SAMMSON: variants seen among roughly 807,000 people sequenced by gnomAD.
The protein encoded by SAMMSON is survival associated mitochondrial melanoma specific oncogenic non-coding RNA.
At chr3:70,287,383 C>A (rs998655249) in intron 6 of SAMMSON, among the ~76,000 whole-genome samples, 2 of 150,884 alleles carry the variant, frequency 1.3e-5, no homozygotes, top group Admixed American at 1.3e-4. Flanking sequence ...TATATTGAAC[C>A]AGCCTTGCAT....
intron 7 of SAMMSON, among the ~76,000 whole-genome samples, chr3:70,327,312 A>G (rs939102137): frequency 2.6e-5 from 4 of 152,230 alleles, no homozygotes; most frequent in Admixed American, 6.5e-5. Flanking sequence ...TATAATCCAC[A>G]GTAATTAGAC....
intron 3 of SAMMSON, among the ~76,000 whole-genome samples, chr3:70,020,339 C>T (rs1425318213): frequency 6.6e-6 from 1 of 152,114 alleles, no homozygotes; most frequent in South Asian, 2.1e-4. Flanking sequence ...GGTCTTCAGG[C>T]ACCCTAGACG....
rs1702669388 is a variant in SAMMSON at position 70,337,091 on chromosome 3, ATAATAATATCTAACTTAATATTCT to A, written n.740-17081_740-17058del. On this transcript the variant is annotated intron_variant and non_coding_transcript_variant, in intron 7 of 9. Coordinates refer to ENST00000642114, the Ensembl canonical transcript of SAMMSON. ...AATATCTAACTTAATATTCTTATTA[ATAATAATATCTAACTTAATATTCT>A]TATTAATAATAATATCTAACTTAAT... 1.0e-4 allele frequency among the ~76,000 whole-genome samples: 4 copies of A among 40,030 alleles called. No homozygotes were observed. In the South Asian group the frequency reaches 1.9e-3, roughly 19 times the overall value. 26.3% of individuals were successfully genotyped at this position (40,030 alleles called of 152,430 possible). A position where few individuals can be genotyped will look rare whatever the true frequency, so the allele number is the denominator to read the frequency against.
intron 7 of SAMMSON, among the ~76,000 whole-genome samples, chr3:70,309,628 C>A (rs1702437682): frequency 6.6e-6 from 1 of 152,078 alleles, no homozygotes. Context: ...CTTTTTACTG[C>A]ACCACTTTGA....
intron 1 of SAMMSON, among the ~76,000 whole-genome samples, chr3:70,011,750 G>T (rs1481687007): frequency 1.3e-5 from 2 of 151,944 alleles, no homozygotes; most frequent in Non-Finnish European, 2.9e-5. Flanking sequence ...AACATAGCCT[G>T]GGAGGGAATC....
At chr3:70,045,141 T>A in intron 3 of SAMMSON, among the ~76,000 whole-genome samples, 1 of 130,760 alleles carries the variant, frequency 7.6e-6, no homozygotes, top group East Asian at 2.0e-4. Flanking sequence ...ATATTATAAT[T>A]TATATATATT....
At chr3:70,427,208 C>G (rs1701377179) in intron 2 of SAMMSON, among the ~76,000 whole-genome samples, 2 of 152,164 alleles carry the variant, frequency 1.3e-5, no homozygotes, top group African/African-American at 2.4e-5. Flanking sequence ...ACAACATCTG[C>G]AACGGTAGAC....
intron 4 of SAMMSON, among the ~76,000 whole-genome samples, chr3:70,097,021 T>C (rs960591920): frequency 1.3e-5 from 2 of 152,180 alleles, no homozygotes; most frequent in African/African-American, 2.4e-5. Context: ...ATAAAAGTTG[T>C]TTTTCTCCCC....
intron 3 of SAMMSON, among the ~76,000 whole-genome samples, chr3:70,019,170 T>C (rs1241356344): frequency 2.6e-5 from 4 of 152,318 alleles, no homozygotes; most frequent in African/African-American, 9.6e-5. Flanking sequence ...GTGTCTAATG[T>C]TGACAGTGGG....
chr3:70,028,186 CCTTTCTTT>C (rs1467823828), intron 3 of SAMMSON, among the ~76,000 whole-genome samples: 3 of 103,876 alleles, frequency 2.9e-5, no homozygotes, highest in African/African-American at 9.9e-5. Flanking sequence ...TTCCTTCCTT[CCTTTCTTT>C]CTTTCTTTCT....
chr3:70,174,408 C>A (rs1228863513), intron 4 of SAMMSON, among the ~76,000 whole-genome samples: 1 of 151,930 alleles, frequency 6.6e-6, no homozygotes, highest in African/African-American at 2.4e-5. Context: ...GCAGTTGTAT[C>A]TAAAATCCAG....
chr3:70,316,672 CAAAGGT>C, intron 7 of SAMMSON, among the ~76,000 whole-genome samples: 1 of 151,918 alleles, frequency 6.6e-6, no homozygotes, highest in East Asian at 1.9e-4. Flanking sequence ...TCTAAGGTAT[CAAAGGT>C]AAAGGTAAAT....
At chr3:70,220,841 C>G (rs1378554047) in intron 4 of SAMMSON, among the ~76,000 whole-genome samples, 2 of 152,096 alleles carry the variant, frequency 1.3e-5, no homozygotes, top group Non-Finnish European at 2.9e-5. Context: ...TTTGTGCTTC[C>G]ATGACATTCA....
At chr3:70,010,170 C>G (rs1289825290) in intron 1 of SAMMSON, among the ~76,000 whole-genome samples, 1 of 151,936 alleles carries the variant, frequency 6.6e-6, no homozygotes, top group African/African-American at 2.4e-5. Flanking sequence ...TGGTGCAGAG[C>G]TGAGTTCAAT....
At chr3:70,240,141 A>G (rs1701652571) in intron 4 of SAMMSON, among the ~76,000 whole-genome samples, 1 of 152,140 alleles carries the variant, frequency 6.6e-6, no homozygotes, top group Non-Finnish European at 1.5e-5. Context: ...AATTTTTAAA[A>G]TAAGAGACGT....
At chr3:70,025,709 A>G (rs1459624076) in intron 3 of SAMMSON, among the ~76,000 whole-genome samples, 2 of 152,178 alleles carry the variant, frequency 1.3e-5, no homozygotes, top group Non-Finnish European at 2.9e-5. Context: ...ACTCACTACA[A>G]ACTTAACTAC....
intron 4 of SAMMSON, among the ~76,000 whole-genome samples, chr3:70,157,894 G>C (rs1353703789): frequency 6.6e-6 from 1 of 152,068 alleles, no homozygotes; most frequent in African/African-American, 2.4e-5. Flanking sequence ...GGAAGAGTCA[G>C]ATTTGAAGTC....
intron 1 of SAMMSON, among the ~76,000 whole-genome samples, chr3:70,011,925 A>T (rs2066957710): frequency 6.6e-6 from 1 of 152,088 alleles, no homozygotes; most frequent in Admixed American, 6.6e-5. Context: ...TTTCAGATGA[A>T]ATAAATTCCC....
intron 4 of SAMMSON, among the ~76,000 whole-genome samples, chr3:70,221,002 T>C (rs1229551416): frequency 1.3e-5 from 2 of 152,284 alleles, no homozygotes; most frequent in Admixed American, 1.3e-4. Context: ...TAAATCTGGT[T>C]CTAAGGCTGC....
Sources: allele counts gnomAD v4.1 joint callset (sites outside exome capture counted in the v4.1 genomes callset), GRCh38; gene constraint gnomAD v4.1.1; transcripts MANE v1.5; gene names NCBI Gene and HGNC (gene_info 2026-07-23, HGNC 2026-07-21).